Variants in CHSY1 observed in about 807,000 individuals in gnomAD.
The protein encoded by CHSY1 is N-acetylgalactosaminyl-proteoglycan 3-beta-glucuronosyltransferase 1.
CHSY1 carries 13 observed loss-of-function variants against 59.8 expected under a neutral mutation model. The observed-to-expected ratio is 0.22, with a 90% CI of 0.14 to 0.35. The LOEUF (loss-of-function observed/expected upper bound fraction) is 0.35, where lower values mean the gene tolerates loss of function less well. CHSY1 is among the 10% of genes least tolerant of loss of function. CHSY1 has a pLI of 1.00. For synonymous variants in CHSY1, 459 were observed against 401.2 expected (o/e 1.14, Z -1.72); for missense variants, 947 against 1,030.6 (o/e 0.92, Z 1.11).
At chr15:101,236,513 T>A (rs561981036) in intron 1 of CHSY1, among the ~76,000 whole-genome samples, 1 of 152,320 alleles carries the variant, frequency 6.6e-6, no homozygotes. Context: ...TATGTGGAAC[T>A]GTGAGTCCAT....
chr15:101,195,058 C>T lies in CHSY1; in HGVS notation c.817-16078G>A, dbSNP rs990002384. 5.3e-5 allele frequency among the ~76,000 whole-genome samples: 8 copies of T among 152,138 alleles called. No individual in the cohort carries two copies. In the East Asian group the frequency reaches 1.5e-3, roughly 29 times the overall value. ...ATAACCCACGCGACTCTTAAAATGCCGTCAAGTAGAAACATTTACATCACT... is the reference window on the plus strand; with the variant it reads ...ATAACCCACGCGACTCTTAAAATGCTGTCAAGTAGAAACATTTACATCACT... On this transcript the variant is annotated intron_variant, in intron 2 of 2. Coordinates refer to ENST00000254190, the MANE Select transcript of CHSY1 (RefSeq NM_014918.5).
At chr15:101,202,655 A>G (rs1388459416) in intron 2 of CHSY1, among the ~76,000 whole-genome samples, 1 of 152,188 alleles carries the variant, frequency 6.6e-6, no homozygotes, top group Non-Finnish European at 1.5e-5. Flanking sequence ...GATGGAGGGC[A>G]TTTCTGACCC....
At position 101,177,606 on chromosome 15, in the gene CHSY1, C is replaced by T; in HGVS notation, c.2191G>A (p.Gly731Ser). 5.6e-6 allele frequency: 9 copies of T among 1,614,174 alleles called. No homozygotes were observed. The highest frequency in any genetic ancestry group is 7.6e-6 in the Non-Finnish European group (9 of 1,180,032). ...VDLFNKVVQA[G>S]LKTFRSQEVG... ...TCCTGGCTCCTAAACGTCTTCAAAC[C>T]TGCCTGGACAACCTTGTTGAAAAGG... The change falls in exon 3 of 3, where the codon GGT (glycine) becomes AGT (serine). Residue 731 changes from glycine (G) to serine (S), a missense_variant. Coordinates refer to ENST00000254190, the MANE Select transcript of CHSY1 (RefSeq NM_014918.5).
chr15:101,176,474 G>GA lies in CHSY1; in HGVS notation c.*913dup, dbSNP rs1252733539. 1 of 398,306 alleles carries GA rather than the reference G, an allele frequency of 2.5e-6. No individual in the cohort carries two copies. The highest frequency in any genetic ancestry group is 4.4e-6 in the Non-Finnish European group (1 of 225,996). 24.7% of individuals were successfully genotyped at this position (398,306 alleles called of 1,614,324 possible). A position where few individuals can be genotyped will look rare whatever the true frequency, so the allele number is the denominator to read the frequency against. ...CCTTTAAAGAGAAGGGTCAAGAAGA[G>GA]AAAATGCCAAATCCTTCTTGAAATT... is the stretch of plus-strand genomic sequence containing the variant. On this transcript the variant is annotated 3_prime_UTR_variant, in exon 3 of 3. Coordinates refer to ENST00000254190, the MANE Select transcript of CHSY1 (RefSeq NM_014918.5).
intron 1 of CHSY1, among the ~76,000 whole-genome samples, chr15:101,246,350 G>T (rs1192666540): frequency 1.0e-5 from 1 of 96,762 alleles, no homozygotes; most frequent in Admixed American, 1.4e-4. Context: ...AGCAAAATAC[G>T]TGTGGCTTTT....
In CHSY1 at chr15:101,208,883, G is replaced by C. The variant is rs567656122; in HGVS notation, c.816+26199C>G. Reference sequence around the variant, plus strand: ...TACAAGCACACACATAAGTAAATGGGAAAAGGAACAAGCTTTTCCTTACTT... The same window carrying C: ...TACAAGCACACACATAAGTAAATGGCAAAAGGAACAAGCTTTTCCTTACTT... On this transcript the variant is annotated intron_variant, in intron 2 of 2. Coordinates refer to ENST00000254190, the MANE Select transcript of CHSY1 (RefSeq NM_014918.5). Among the ~76,000 whole-genome samples the C allele has an allele frequency of 5.3e-5, 8 of 152,316 alleles. No individual in the cohort carries two copies. In the East Asian group the frequency reaches 1.5e-3, roughly 29 times the overall value.
chr15:101,245,960 T>C (rs1367170352), intron 1 of CHSY1, among the ~76,000 whole-genome samples: 1 of 152,240 alleles, frequency 6.6e-6, no homozygotes. Context: ...ATGGTTTACT[T>C]AGCTCAAGAA....
At chr15:101,229,028 T>C (rs2038868378) in intron 2 of CHSY1, among the ~76,000 whole-genome samples, 1 of 152,192 alleles carries the variant, frequency 6.6e-6, no homozygotes, top group African/African-American at 2.4e-5. Flanking sequence ...TAAGTTGGTA[T>C]TCATCAGAAC....
intron 2 of CHSY1, among the ~76,000 whole-genome samples, chr15:101,224,415 T>C (rs748789005): frequency 2.0e-5 from 3 of 152,240 alleles, no homozygotes; most frequent in Non-Finnish European, 2.9e-5. Context: ...CAGGGCTAAA[T>C]GGGATGATGT....
At chr15:101,240,160 A>G (rs535379460) in intron 1 of CHSY1, among the ~76,000 whole-genome samples, 172 of 152,318 alleles carry the variant, frequency 1.1e-3, no homozygotes, top group African/African-American at 3.9e-3. Flanking sequence ...CTCAATGTCA[A>G]GTCTTTGTAA....
Position 101,251,474 on chromosome 15 carries a change from C to T in CHSY1, c.-18G>A, listed in dbSNP as rs1256834599. On this transcript the variant is annotated 5_prime_UTR_variant, in exon 1 of 3. Transcript: ENST00000254190. ...GCGGCCATGCCCGCGCCGCTCCGCC[C>T]GCCGGGCCGCCGCCGCAGGCTCCGC... 1.5e-4 allele frequency: 50 copies of T among 336,662 alleles called. No individual in the cohort carries two copies. The highest frequency in any genetic ancestry group is 1.7e-4 in the Non-Finnish European group (50 of 300,154). 20.9% of individuals were successfully genotyped at this position (336,662 alleles called of 1,614,324 possible). A position where few individuals can be genotyped will look rare whatever the true frequency, so the allele number is the denominator to read the frequency against.
chr15:101,228,716 A>T (rs182266468), intron 2 of CHSY1, among the ~76,000 whole-genome samples: 3 of 152,352 alleles, frequency 2.0e-5, no homozygotes, highest in Admixed American at 6.5e-5. Context: ...TTGCTCTATG[A>T]AAAATATTAA....
chr15:101,188,414 C>G (rs1424643352), intron 2 of CHSY1, among the ~76,000 whole-genome samples: 5 of 152,126 alleles, frequency 3.3e-5, no homozygotes, highest in Non-Finnish European at 7.4e-5. Context: ...GCCGAGACCA[C>G]CAGCATAAAC....
intron 2 of CHSY1, among the ~76,000 whole-genome samples, chr15:101,234,231 A>G (rs2038917858): frequency 6.6e-6 from 1 of 152,256 alleles, no homozygotes; most frequent in Non-Finnish European, 1.5e-5. Context: ...CAACAACTAT[A>G]TTATAAACTC....
rs776345727 is a variant in CHSY1 at position 101,235,018 on chromosome 15, C to T, written c.816+64G>A. 27 of 1,590,976 alleles carry T rather than the reference C, an allele frequency of 1.7e-5. No homozygotes were observed. The Middle Eastern group carries it at 9.9e-4, about 58-fold the overall frequency. ...ATCATCTCTAGTTTCCTATGATACG[C>T]TCAGAACTAATGACAAAATTGACAA... On this transcript the variant is annotated intron_variant, in intron 2 of 2. Coordinates refer to ENST00000254190, the MANE Select transcript of CHSY1 (RefSeq NM_014918.5).
intron 2 of CHSY1, among the ~76,000 whole-genome samples, chr15:101,227,075 C>G (rs2038848344): frequency 6.6e-6 from 1 of 152,130 alleles, no homozygotes; most frequent in South Asian, 2.1e-4. Flanking sequence ...TTGCAGTAAT[C>G]CAGACAGTAT....
intron 1 of CHSY1, among the ~76,000 whole-genome samples, chr15:101,241,656 TGG>T (rs2039002676): frequency 6.6e-6 from 1 of 152,190 alleles, no homozygotes; most frequent in East Asian, 1.9e-4. Flanking sequence ...ATTAAAAAGG[TGG>T]GGAGATTTTC....
intron 2 of CHSY1, among the ~76,000 whole-genome samples, chr15:101,212,162 C>T (rs963486664): frequency 6.6e-6 from 1 of 152,088 alleles, no homozygotes; most frequent in Non-Finnish European, 1.5e-5. Context: ...ACTGAGAATG[C>T]CAAACAATGA....
At chr15:101,205,834 C>T (rs2038619710) in intron 2 of CHSY1, among the ~76,000 whole-genome samples, 1 of 151,938 alleles carries the variant, frequency 6.6e-6, no homozygotes, top group Admixed American at 6.6e-5. Flanking sequence ...GCCCGTAGTC[C>T]CAGCTACTCA....
Sources: allele counts gnomAD v4.1 joint callset (sites outside exome capture counted in the v4.1 genomes callset), GRCh38; gene constraint gnomAD v4.1.1; transcripts MANE v1.5; gene names NCBI Gene and HGNC (gene_info 2026-07-23, HGNC 2026-07-21).